ZMYND8: variants seen among roughly 807,000 people sequenced by gnomAD.
ZMYND8 encodes the protein MYND-type zinc finger-containing chromatin reader ZMYND8.
In ZMYND8, 37 loss-of-function variants were observed where a neutral mutation model predicts 140.8. The ratio of observed to expected loss-of-function variants is 0.26; its 90% CI spans 0.20 to 0.35. The LOEUF is 0.35. Ranked by LOEUF, ZMYND8 falls within the 10% of genes least tolerant of loss-of-function variation. The pLI is 1.00. For synonymous variants in ZMYND8, 592 were observed against 597.1 expected (o/e 0.99, Z 0.12); for missense variants, 1,068 against 1,570.0 (o/e 0.68, Z 5.40).
intron 21 of ZMYND8, among the ~76,000 whole-genome samples, chr20:47,213,658 A>T (rs566385161): frequency 1.3e-5 from 2 of 152,288 alleles, no homozygotes; most frequent in East Asian, 3.9e-4. Flanking sequence ...CTGCCAAAAG[A>T]GGGGTCAAGA....
At chr20:47,336,500 A>AG (rs2148495066) in intron 2 of ZMYND8, among the ~76,000 whole-genome samples, 1 of 152,220 alleles carries the variant, frequency 6.6e-6, no homozygotes, top group East Asian at 1.9e-4. Flanking sequence ...AGACGCAAGC[A>AG]GCCCAAACAG....
In ZMYND8 at chr20:47,222,405, G is replaced by A. The variant is rs934463678; in HGVS notation, c.3257-931C>T. ...CAAAAAATTAGCCAGGCGTGGTGGC[G>A]GGCACCTGTAGTCCCAGCTACTAGG... On this transcript the variant is annotated intron_variant, in intron 19 of 22. Coordinates refer to ENST00000471951, the MANE Select transcript of ZMYND8 (RefSeq NM_001281775.3). Among the ~76,000 whole-genome samples, 3 of 152,150 alleles carry A rather than the reference G, an allele frequency of 2.0e-5. No individual in the cohort carries two copies. The East Asian group carries it at 5.8e-4, about 29-fold the overall frequency.
At chr20:47,323,215 C>T (rs145534098) in intron 2 of ZMYND8, among the ~76,000 whole-genome samples, 2,993 of 152,182 alleles carry the variant, frequency 0.02, 95 homozygotes, top group African/African-American at 0.069. Context: ...AGGCAATAAC[C>T]GAGAAATTTC....
chr20:47,302,777 T>C (rs1052336024), intron 3 of ZMYND8, among the ~76,000 whole-genome samples: 18 of 152,096 alleles, frequency 1.2e-4, no homozygotes, highest in African/African-American at 4.1e-4. Context: ...TCAGAGAACA[T>C]TATCTGCAAT....
At chr20:47,287,361 C>A in intron 7 of ZMYND8, 77 bp from the exon 8 acceptor site, 1 of 1,244,190 alleles carries the variant, frequency 8.0e-7, no homozygotes, top group Non-Finnish European at 1.2e-6. Flanking sequence ...CTTCCGCTAA[C>A]AATGTGTTTA....
chr20:47,210,866 G>A lies in ZMYND8; in HGVS notation c.3600C>T (p.Ser1200=). 2.5e-6 allele frequency: 4 copies of A among 1,614,034 alleles called. No individual in the cohort carries two copies. The highest frequency in any genetic ancestry group is 1.7e-6 in the Non-Finnish European group (2 of 1,179,992). Residue 1200 remains serine, a synonymous_variant, in exon 23 of 23, where the codon AGC becomes AGT. Transcript: ENST00000471951. ...YHSRSNKSSW[S]SSDEKRGSTR... ...TCGATCCCCTCTTCTCATCACTGCT[G>A]CTCCAACTGGATTTATTACTCCGGG...
At chr20:47,246,644 G>C (rs1486385666) in intron 13 of ZMYND8, 127 bp from the exon 14 acceptor site, 9 of 1,320,610 alleles carry the variant, frequency 6.8e-6, no homozygotes, top group Non-Finnish European at 1.0e-6. Flanking sequence ...CATCACATTG[G>C]CCTAAATGGG....
chr20:47,316,440 G>A (rs2079403236), intron 2 of ZMYND8, among the ~76,000 whole-genome samples: 1 of 152,016 alleles, frequency 6.6e-6, no homozygotes, highest in Admixed American at 6.6e-5. Context: ...TTGATTTAAG[G>A]GGCATCTTAA....
At chr20:47,323,592 T>A (rs190879193) in intron 2 of ZMYND8, among the ~76,000 whole-genome samples, 1 of 152,184 alleles carries the variant, frequency 6.6e-6, no homozygotes, top group African/African-American at 2.4e-5. Context: ...GGTTCACTGA[T>A]GAGAAACACA....
chr20:47,312,806 A>G (rs76535443), intron 2 of ZMYND8, among the ~76,000 whole-genome samples: 3,377 of 150,560 alleles, frequency 0.022, 76 homozygotes, highest in South Asian at 0.092. Context: ...AAAAAAAAAA[A>G]AGAGAGAGAG....
At chr20:47,303,695 C>CAA (rs1195746475) in intron 3 of ZMYND8, among the ~76,000 whole-genome samples, 3 of 142,282 alleles carry the variant, frequency 2.1e-5, no homozygotes, top group South Asian at 2.2e-4. Flanking sequence ...GACTCTGTCT[C>CAA]AAAAAAAAAA....
chr20:47,270,832 C>G (rs2075887673), intron 11 of ZMYND8, among the ~76,000 whole-genome samples: 1 of 151,700 alleles, frequency 6.6e-6, no homozygotes, highest in Admixed American at 6.6e-5. Flanking sequence ...AATCCCAGCA[C>G]TTTGGGAGGC....
intron 12 of ZMYND8, among the ~76,000 whole-genome samples, chr20:47,258,252 G>T (rs2074902965): frequency 6.6e-6 from 1 of 152,192 alleles, no homozygotes; most frequent in Admixed American, 6.5e-5. Flanking sequence ...AAGAGCTCAA[G>T]CTTTGCAGCA....
rs377650692 is a variant in ZMYND8 at position 47,310,008 on chromosome 20, T to C, written c.234+48A>G. The C allele has an allele frequency of 5.8e-5, 94 of 1,611,974 alleles. 1 individual carries two copies. The highest frequency in any genetic ancestry group is 7.9e-5 in the Non-Finnish European group (93 of 1,178,938). On this transcript the variant is annotated intron_variant, in intron 3 of 22. Coordinates refer to ENST00000471951, the MANE Select transcript of ZMYND8 (RefSeq NM_001281775.3). ...GATCCAGAGGTTCAGCGCTACTAGC[T>C]GGCCTCTGTCCCACCAGTGAGGACA...
intron 17 of ZMYND8, 56 bp downstream of exon 17, chr20:47,229,670 T>C: frequency 1.3e-6 from 2 of 1,561,690 alleles, no homozygotes; most frequent in South Asian, 2.2e-5. Context: ...GTACCACCTT[T>C]AAAGCAGCCC....
intron 11 of ZMYND8, among the ~76,000 whole-genome samples, chr20:47,264,707 G>T (rs2075383550): frequency 6.6e-6 from 1 of 152,218 alleles, no homozygotes; most frequent in Non-Finnish European, 1.5e-5. Flanking sequence ...CACTGGTACT[G>T]TAAGACATAG....
intron 11 of ZMYND8, among the ~76,000 whole-genome samples, chr20:47,266,483 T>A (rs1269891600): frequency 6.6e-5 from 10 of 152,128 alleles, no homozygotes; most frequent in Admixed American, 6.5e-4. Flanking sequence ...GGTTTCACCA[T>A]GTTGGCCAGG....
chr20:47,229,882 A>G, intron 16 of ZMYND8, 76 bp from the exon 17 acceptor site: 1 of 1,341,750 alleles, frequency 7.5e-7, no homozygotes, highest in South Asian at 1.2e-5. Context: ...CTTAAAATCT[A>G]TCTGTATAAA....
chr20:47,315,582 T>G (rs1192603046), intron 2 of ZMYND8, among the ~76,000 whole-genome samples: 1 of 152,118 alleles, frequency 6.6e-6, no homozygotes, highest in Non-Finnish European at 1.5e-5. Context: ...GACTGGTGGG[T>G]GTACACCTGA....
Sources: gnomAD v4.1 joint callset for allele counts (sites outside exome capture counted in the v4.1 genomes callset) on GRCh38, gnomAD v4.1.1 for gene constraint, MANE v1.5 for transcripts, NCBI Gene and HGNC (gene_info 2026-07-23, HGNC 2026-07-21) for gene names.